Variants in FBXW5 observed in about 807,000 individuals in gnomAD.
FBXW5 encodes the protein F-box/WD repeat-containing protein 5.
FBXW5 carries 74 observed loss-of-function variants against 50.9 expected under a neutral mutation model. The observed-to-expected ratio is 1.45, with a 90% CI of 1.20 to 1.76. The LOEUF (loss-of-function observed/expected upper bound fraction) is 1.76. Ranked by LOEUF, FBXW5 falls within the 40% of genes most tolerant of loss-of-function variation. The probability of loss-of-function intolerance (pLI) is 0.00; values close to 1 mark genes in which losing one functional copy is unlikely to be tolerated. For synonymous variants in FBXW5, 523 were observed against 362.2 expected, an observed-to-expected ratio of 1.44 and a Z score of -5.04; for missense variants, 1,073 against 818.8, an observed-to-expected ratio of 1.31 and a Z score of -3.79.
chr9:136,943,239 G>A (rs1850869426), intron 3 of FBXW5, 110 bp downstream of exon 3: 1 of 1,279,832 alleles, frequency 7.8e-7, no homozygotes, highest in Admixed American at 2.0e-5. Context: ...GTCACCTCTG[G>A]CCTGACCCAC....
intron 3 of FBXW5, chr9:136,943,144 G>A (rs1850865076): frequency 3.9e-6 from 4 of 1,030,616 alleles, no homozygotes; most frequent in Non-Finnish European, 5.7e-6. Flanking sequence ...GCGGCTGTGT[G>A]TGGGACCCTC....
chr9:136,943,337 G>A lies in FBXW5; in HGVS notation c.351+12C>T. The A allele has an allele frequency of 6.2e-7, 1 of 1,608,214 alleles. No homozygotes were observed. The highest frequency in any genetic ancestry group is 8.5e-7 in the Non-Finnish European group (1 of 1,176,902). On this transcript the variant is annotated intron_variant, in intron 3 of 8. Coordinates refer to ENST00000325285, the MANE Select transcript of FBXW5 (RefSeq NM_018998.4). ...GCTGGGTGGGGTGTGCAGGACACCT[G>A]GCCGTCCTCACCTTCACAGTGCAGT...
At chr9:136,944,320 G>A in intron 1 of FBXW5, 2 of 595,244 alleles carry the variant, frequency 3.4e-6, no homozygotes, top group Non-Finnish European at 4.8e-6. Context: ...GGCCTCCTGC[G>A]GCCGGCAGCG....
rs45559439 is a variant in FBXW5 at position 136,941,106 on chromosome 9, C to T, written c.1523G>A (p.Arg508Gln). ...CACTGAGTTGACCACATCCTCGTGC[C>T]GCAGCCTGGCCAGACAGATGTTGTA... is the stretch of plus-strand genomic sequence containing the variant. The part of the protein sequence containing the change: ...RHYNICLARL[R>Q]HEDVVNSVVF... The change falls in exon 9 of 9, where the codon CGG becomes CAG. Residue 508 changes from arginine (R) to glutamine (Q), a missense_variant. Arg to Gln is a conservative substitution (Grantham distance 43). Transcript: ENST00000325285. The T allele has an allele frequency of 0.021, 33,665 of 1,588,670 alleles. 420 individuals are homozygous for T. The highest frequency in any genetic ancestry group is 0.031 in the Middle Eastern group (188 of 6,030).
chr9:136,943,263 A>T, intron 3 of FBXW5, 86 bp downstream of exon 3: 1 of 621,810 alleles, frequency 1.6e-6, no homozygotes, highest in Non-Finnish European at 2.6e-6. Context: ...CCCCCCCACC[A>T]CCACCTGGTT....
rs1452504368 is a variant in FBXW5, at chr9:136,944,008, C to T, written c.76G>A (p.Val26Met). 6 of 1,597,718 alleles carry T rather than the reference C, an allele frequency of 3.8e-6. No individual in the cohort carries two copies. The African/African-American group carries it at 4.0e-5, about 11-fold the overall frequency. The stretch of plus-strand genomic sequence containing the variant: ...CGGCACACCAGCCCGGCGGCCAGCA[C>T]GTCGGCCGGGCCCAGGCTCAGGAAG... Reference protein sequence around the residue: ...QIFLSLGPADVLAAGLVCRQW... With the variant: ...QIFLSLGPADMLAAGLVCRQW... The change falls in exon 2 of 9, where the codon GTG becomes ATG. Residue 26 changes from valine to methionine, a missense_variant. Transcript: ENST00000325285.
rs1297593267 is a variant in FBXW5 at position 136,942,777 on chromosome 9, A to G, written c.518T>C (p.Ile173Thr). The change falls in exon 4 of 9, where the codon ATC becomes ACC. Residue 173 changes from isoleucine to threonine, a missense_variant. Transcript: ENST00000325285. ...HNSSSGEIAV[I>T]SLDSFALLSR... Reference sequence around the variant, plus strand: ...CCGCCGCCCGTGCTCACCTAGGCTGATGACAGCAATCTCGCCGGATGAGGA... The same window carrying G: ...CCGCCGCCCGTGCTCACCTAGGCTGGTGACAGCAATCTCGCCGGATGAGGA... 6.2e-7 allele frequency: 1 copy of G among 1,612,550 alleles called. No individual in the cohort carries two copies. Among genetic ancestry groups the G allele is most frequent in the South Asian group, 1.1e-5 (1 of 91,062 alleles).
rs375836564 is a variant in FBXW5 at position 136,941,641 on chromosome 9, G to T, written c.1140C>A (p.Pro380=). ...CGGAGCCCCGGCCCTCACCCAGCAC[G>T]GGCCCTGCCGTGGTCATCTGGTGTG... is the stretch of plus-strand genomic sequence containing the variant. The part of the protein sequence containing the change: ...ILPHQMTTAG[P]VLGEGRGSDA... Residue 380 remains proline, a synonymous_variant, in exon 7 of 9, where the codon CCC becomes CCA. Coordinates refer to ENST00000325285, the MANE Select transcript of FBXW5 (RefSeq NM_018998.4). 1.9e-6 allele frequency: 3 copies of T among 1,572,046 alleles called. No homozygotes were observed. Among genetic ancestry groups the T allele is most frequent in the East Asian group, 2.4e-5 (1 of 42,142 alleles).
At position 136,940,968 on chromosome 9, in the gene FBXW5, G is replaced by T; in HGVS notation, c.1661C>A (p.Pro554His). Residue 554 changes from proline (P) to histidine (H), a missense_variant, in exon 9 of 9, where the codon CCT (proline) becomes CAT (histidine). By Grantham distance (77) the Pro-to-His change is moderately conservative. Coordinates refer to ENST00000325285, the MANE Select transcript of FBXW5 (RefSeq NM_018998.4). ...MRVLQAPRPR[P>H]RTFFSWLASQ... is the part of the protein sequence containing the mutation. ...GGCAAGCCAGGAGAAGAAGGTGCGA[G>T]GCCGTGGGCGAGGTGCCTGGAGGAC... 1 of 1,565,400 alleles carries T rather than the reference G, an allele frequency of 6.4e-7. No individual in the cohort carries two copies.
intron 2 of FBXW5, 29 bp from the exon 3 acceptor site, chr9:136,943,535 C>G (rs1850891496): frequency 6.3e-7 from 1 of 1,593,798 alleles, no homozygotes; most frequent in African/African-American, 1.3e-5. Flanking sequence ...CAGTCCTGGG[C>G]CCGGGCCTTC....
intron 2 of FBXW5, 37 bp downstream of exon 2, chr9:136,943,854 C>A: frequency 2.6e-6 from 4 of 1,544,852 alleles, no homozygotes; most frequent in Non-Finnish European, 3.5e-6. Flanking sequence ...GGGGCCCTGG[C>A]TGCAGAACGT....
rs781537456 is a variant in FBXW5 at position 136,942,543 on chromosome 9, G to A, written c.675+4C>T. On this transcript the variant is annotated splice_donor_region_variant and intron_variant, in intron 5 of 8. Transcript: ENST00000325285. ...GGCAGCCCCGCCCCTAGCCCCGCAC[G>A]CACCTGGAAGGCATTGTTGAGCCAC... is the stretch of plus-strand genomic sequence containing the variant. The A allele has an allele frequency of 1.9e-4, 304 of 1,608,858 alleles. No individual in the cohort carries two copies. The highest frequency in any genetic ancestry group is 1.1e-4 in the Non-Finnish European group (134 of 1,177,128).
intron 1 of FBXW5, 119 bp downstream of exon 1, chr9:136,944,475 C>T (rs992180804): frequency 8.1e-6 from 8 of 981,970 alleles, no homozygotes; most frequent in African/African-American, 1.8e-5. Flanking sequence ...GCAGCTCTGC[C>T]CGGCGGGCTC....
rs1850888010 is a variant in FBXW5 at position 136,943,491 on chromosome 9, T to G, written c.209A>C (p.Tyr70Ser). Reference protein sequence around the residue: ...VPRHPAAMSWYEEFQRLYDTV... With the variant: ...VPRHPAAMSWSEEFQRLYDTV... ...GTCATACAGCCGCTGGAACTCCTCG[T>G]ACCAGGACATGGCCGCTGCGGGTGG... Residue 70 changes from tyrosine to serine, a missense_variant, in exon 3 of 9, where the codon TAC becomes TCC. Coordinates refer to ENST00000325285, the MANE Select transcript of FBXW5 (RefSeq NM_018998.4). The G allele has an allele frequency of 6.8e-6, 11 of 1,610,958 alleles. 1 individual carries two copies. In the East Asian group the frequency reaches 2.5e-4, roughly 36 times the overall value.
chr9:136,944,442 G>A, intron 1 of FBXW5, 152 bp downstream of exon 1: 1 of 934,392 alleles, frequency 1.1e-6, no homozygotes, highest in Non-Finnish European at 1.3e-6. Flanking sequence ...GCCAGGCAGT[G>A]GCCTCCGCCC....
At chr9:136,941,734 C>T in intron 6 of FBXW5, 50 bp from the exon 7 acceptor site, 1 of 1,516,336 alleles carries the variant, frequency 6.6e-7, no homozygotes, top group South Asian at 1.2e-5. Flanking sequence ...CCAAGGACAT[C>T]ACTCCAGGGC....
rs773287390 is a variant in FBXW5, at chr9:136,943,453, C to T, written c.247G>A (p.Val83Met). ...FQRLYDTVPCVEVQTLREHTD... is the reference protein window; with the variant it reads ...FQRLYDTVPCMEVQTLREHTD... ...TGTTCCCGCAGCGTCTGCACCTCCA[C>T]GCAGGGCACCGTGTCATACAGCCGC... Residue 83 changes from valine (V) to methionine (M), a missense_variant, in exon 3 of 9, where the codon GTG (valine) becomes ATG (methionine). Physicochemically the swap from Val to Met is conservative, Grantham distance 21. Transcript: ENST00000325285. 2.5e-5 allele frequency: 41 copies of T among 1,612,658 alleles called. No individual in the cohort carries two copies. The highest frequency in any genetic ancestry group is 1.6e-4 in the Middle Eastern group (1 of 6,082).
In FBXW5 at chr9:136,943,946, C is replaced by T; in HGVS notation, c.138G>A (p.Trp46Ter). The change falls in exon 2 of 9, where the codon TGG becomes TGA. Residue 46 changes from tryptophan (W) to a stop codon, truncating the protein, a stop_gained. Transcript: ENST00000325285. LOFTEE classifies it high-confidence loss of function. The part of the protein sequence containing the change: ...WQAVSRDEFL[W>*]REQFYRYYQV... ...GGTAGTAGCGGTAGAACTGCTCCCT[C>T]CACAGGAACTCGTCCCGCGACACGG... 1 of 1,556,480 alleles carries T rather than the reference C, an allele frequency of 6.4e-7. No individual in the cohort carries two copies. Among genetic ancestry groups the T allele is most frequent in the Non-Finnish European group, 8.7e-7 (1 of 1,150,908 alleles).
intron 1 of FBXW5, 89 bp downstream of exon 1, chr9:136,944,505 A>G (rs1267655778): frequency 3.0e-6 from 3 of 984,520 alleles, no homozygotes; most frequent in Non-Finnish European, 3.6e-6. Flanking sequence ...GGCGGGGACG[A>G]GCGCACGGGC....
Sources: gnomAD v4.1 joint callset for allele counts on GRCh38, gnomAD v4.1.1 for gene constraint, MANE v1.5 for transcripts, NCBI Gene and HGNC (gene_info 2026-07-23, HGNC 2026-07-21) for gene names.